The following CDH2 variants were observed in gnomAD, a reference collection of about 807,000 sequenced individuals.
CDH2 encodes the protein cadherin-2.
In CDH2, 17 loss-of-function variants were observed where a neutral mutation model predicts 92.0. The observed-to-expected ratio is 0.18, with a 90% CI of 0.13 to 0.28. The LOEUF (loss-of-function observed/expected upper bound fraction) is 0.28. CDH2 is among the 10% of genes least tolerant of loss of function. The pLI is 1.00. For synonymous variants in CDH2, 419 were observed against 415.9 expected (o/e 1.01, Z -0.09); for missense variants, 862 against 1,133.1 (o/e 0.76, Z 3.44).
At chr18:27,963,580 A>G in intron 14 of CDH2, 59 bp from the exon 15 acceptor site, 5 of 1,524,528 alleles carry the variant, frequency 3.3e-6, no homozygotes, top group Non-Finnish European at 4.5e-6. Context: ...GAAAATTACA[A>G]CCTCGCTTTT....
At chr18:27,933,148 A>C (rs912170626) in intron 6 of CDH2, among the ~76,000 whole-genome samples, 4 of 152,156 alleles carry the variant, frequency 2.6e-5, no homozygotes, top group Non-Finnish European at 5.9e-5. Flanking sequence ...ATGAAAAGCC[A>C]GCATCTCAAG....
chr18:28,066,003 G>A (rs1233545107), intron 2 of CDH2, among the ~76,000 whole-genome samples: 1 of 152,170 alleles, frequency 6.6e-6, no homozygotes, highest in African/African-American at 2.4e-5. Context: ...CTAGGGGGAT[G>A]ACAGGTTTCT....
At chr18:28,163,034 C>A (rs1483463561) in intron 1 of CDH2, among the ~76,000 whole-genome samples, 3 of 152,136 alleles carry the variant, frequency 2.0e-5, no homozygotes, top group Non-Finnish European at 4.4e-5. Flanking sequence ...GAATGAGAAA[C>A]ACACAGCAAG....
intron 11 of CDH2, among the ~76,000 whole-genome samples, chr18:27,988,248 C>T (rs2012297216): frequency 6.6e-6 from 1 of 152,194 alleles, no homozygotes; most frequent in South Asian, 2.1e-4. Context: ...TCTAGGGCCA[C>T]TGAGGATGGA....
chr18:28,042,444 C>T (rs916464763), intron 2 of CDH2, among the ~76,000 whole-genome samples: 1 of 152,100 alleles, frequency 6.6e-6, no homozygotes, highest in Non-Finnish European at 1.5e-5. Flanking sequence ...TGGTATTATA[C>T]TCCCAAAATA....
intron 1 of CDH2, among the ~76,000 whole-genome samples, chr18:28,163,947 G>A (rs895644631): frequency 1.3e-5 from 2 of 152,156 alleles, no homozygotes; most frequent in Non-Finnish European, 1.5e-5. Flanking sequence ...AATGGATGCA[G>A]TACTCTGGGG....
chr18:28,141,358 CA>C (rs1176952947), intron 2 of CDH2, among the ~76,000 whole-genome samples: 1 of 151,748 alleles, frequency 6.6e-6, no homozygotes, highest in Non-Finnish European at 1.5e-5. Flanking sequence ...GAAGGGAAAT[CA>C]GAAGGAAAAT....
intron 7 of CDH2, among the ~76,000 whole-genome samples, chr18:27,999,252 G>C (rs1048945367): frequency 6.6e-6 from 1 of 152,122 alleles, no homozygotes; most frequent in Non-Finnish European, 1.5e-5. Flanking sequence ...ATTCTGGGGG[G>C]TTAGGTTAAG....
intron 2 of CDH2, among the ~76,000 whole-genome samples, chr18:28,119,828 C>T (rs1425544669): frequency 6.6e-6 from 1 of 151,990 alleles, no homozygotes; most frequent in East Asian, 1.9e-4. Context: ...GATATGTGTA[C>T]CTTCCAGGTC....
chr18:27,974,336 G>GA (rs1376932146), intron 14 of CDH2, among the ~76,000 whole-genome samples: 6 of 152,044 alleles, frequency 3.9e-5, no homozygotes, highest in Non-Finnish European at 7.4e-5. Context: ...CTTAAAGAGG[G>GA]AAAATCTCTG....
Position 27,990,092 on chromosome 18 carries a change from C to T in CDH2, c.1598+5G>A, listed in dbSNP as rs779784455. ...TACAAAAACACTACAAACAGCATTT[C>T]ATACCTAATATTTTGCTGCATATAT... is the stretch of plus-strand genomic sequence containing the variant. On this transcript the variant is annotated splice_donor_5th_base_variant and intron_variant, in intron 10 of 15. Transcript: ENST00000269141. 32 of 1,612,430 alleles carry T rather than the reference C, an allele frequency of 2.0e-5. No homozygotes were observed. The highest frequency in any genetic ancestry group is 2.6e-5 in the Non-Finnish European group (31 of 1,178,662).
At chr18:28,153,708 A>C (rs1040055184) in intron 1 of CDH2, among the ~76,000 whole-genome samples, 3 of 152,222 alleles carry the variant, frequency 2.0e-5, no homozygotes, top group African/African-American at 4.8e-5. Flanking sequence ...CAACAAGAGT[A>C]CTAAAGACAG....
chr18:28,168,512 A>G (rs1031570641), intron 1 of CDH2: 4 of 168,546 alleles, frequency 2.4e-5, no homozygotes, highest in African/African-American at 9.6e-5. Context: ...TTCAAAAAAA[A>G]TGTGTGGTCT....
intron 2 of CDH2, among the ~76,000 whole-genome samples, chr18:28,079,352 G>T (rs1397929789): frequency 6.6e-6 from 1 of 152,248 alleles, no homozygotes; most frequent in East Asian, 1.9e-4. Flanking sequence ...TTACAATAGA[G>T]CACAGTGTAA....
intron 7 of CDH2, among the ~76,000 whole-genome samples, chr18:27,995,245 C>T (rs772007667): frequency 3.8e-5 from 5 of 131,194 alleles, no homozygotes; most frequent in South Asian, 2.6e-4. Flanking sequence ...ACCCAGGAGG[C>T]GGAGGTTGCA....
At chr18:28,121,827 G>A (rs1344421700) in intron 2 of CDH2, among the ~76,000 whole-genome samples, 1 of 152,064 alleles carries the variant, frequency 6.6e-6, no homozygotes, top group East Asian at 1.9e-4. Context: ...CTTTGCCTGG[G>A]TTTTGTAAAA....
At chr18:28,082,460 C>A (rs2014849657) in intron 2 of CDH2, among the ~76,000 whole-genome samples, 1 of 152,094 alleles carries the variant, frequency 6.6e-6, no homozygotes, top group South Asian at 2.1e-4. Context: ...CATTCCTTCA[C>A]TAGAGACATC....
At chr18:27,937,918 C>T (rs1909053803) in intron 6 of CDH2, among the ~76,000 whole-genome samples, 1 of 152,116 alleles carries the variant, frequency 6.6e-6, no homozygotes, top group Admixed American at 6.5e-5. Context: ...AAAATATAGG[C>T]ATATGATATG....
At chr18:28,176,919 G>T in intron 1 of CDH2, 44 bp downstream of exon 1, 2 of 731,578 alleles carry the variant, frequency 2.7e-6, no homozygotes, top group Non-Finnish European at 3.7e-6. Flanking sequence ...GGCGCCGCCC[G>T]CCCCACCCCG....
Sources: allele counts gnomAD v4.1 joint callset (sites outside exome capture counted in the v4.1 genomes callset), GRCh38; gene constraint gnomAD v4.1.1; transcripts MANE v1.5; gene names NCBI Gene and HGNC (gene_info 2026-07-23, HGNC 2026-07-21).